Variants in ROBO2 observed in about 807,000 individuals in gnomAD.
ROBO2 encodes the protein roundabout guidance receptor 2.
Under a neutral mutation model 160.8 loss-of-function variants are expected in ROBO2, and 53 were observed. The observed-to-expected ratio is 0.33, with a 90% CI of 0.26 to 0.41. The LOEUF is 0.41. ROBO2 is among the 10% of genes least tolerant of loss of function. The pLI is 1.00. For synonymous variants in ROBO2, 664 were observed against 611.7 expected (o/e 1.09, Z -1.26); for missense variants, 1,577 against 1,722.4 (o/e 0.92, Z 1.49).
chr3:77,615,929 A>G (rs1228848547), intron 21 of ROBO2, among the ~76,000 whole-genome samples: 3 of 152,244 alleles, frequency 2.0e-5, no homozygotes, highest in Non-Finnish European at 4.4e-5. Context: ...CTAGAGATGT[A>G]CATTTCTGAT....
chr3:76,450,005 G>A (rs972926295), intron 2 of ROBO2, among the ~76,000 whole-genome samples: 3 of 152,146 alleles, frequency 2.0e-5, no homozygotes, highest in African/African-American at 7.2e-5. Context: ...CTGATAATTG[G>A]AAAAGTCATT....
At position 77,097,856 on chromosome 3, in the gene ROBO2, G is replaced by A. The variant is rs9873816; in HGVS notation, c.62-158G>A. Among the ~76,000 whole-genome samples, 45,660 of 152,078 alleles carry A rather than the reference G, an allele frequency of 0.3. 7,683 individuals carry two copies. The highest frequency in any genetic ancestry group is 0.54 in the East Asian group (2,805 of 5,156). Reference sequence around the variant, plus strand: ...TGGTATCGCCCTATCCTGCAAAGGAGTTGAGATGACTTATGAGATGCATAC... The same window carrying A: ...TGGTATCGCCCTATCCTGCAAAGGAATTGAGATGACTTATGAGATGCATAC... On this transcript the variant is annotated intron_variant, in intron 1 of 25. Coordinates refer to ENST00000461745, the Ensembl canonical transcript of ROBO2.
chr3:77,608,025 C>A, intron 21 of ROBO2, 71 bp downstream of exon 22: 1 of 1,488,872 alleles, frequency 6.7e-7, no homozygotes, highest in Non-Finnish European at 9.3e-7. Flanking sequence ...TTTTTGCCAT[C>A]ATCTTATGTT....
chr3:76,246,821 A>G (rs1705651040), intron 2 of ROBO2, among the ~76,000 whole-genome samples: 1 of 152,146 alleles, frequency 6.6e-6, no homozygotes, highest in South Asian at 2.1e-4. Flanking sequence ...GATAAAGTAT[A>G]TAACTTTATT....
At chr3:76,570,448 G>A (rs577549372) in intron 2 of ROBO2, among the ~76,000 whole-genome samples, 160 of 152,248 alleles carry the variant, frequency 1.1e-3, no homozygotes, top group African/African-American at 3.7e-3. Context: ...CATCTAGAGC[G>A]CTTTAAAATA....
chr3:76,570,441 C>T (rs556002595), intron 2 of ROBO2, among the ~76,000 whole-genome samples: 1 of 152,308 alleles, frequency 6.6e-6, no homozygotes, highest in East Asian at 1.9e-4. Context: ...ACTCGTACAT[C>T]TAGAGCGCTT....
intron 24 of ROBO2, among the ~76,000 whole-genome samples, chr3:77,635,832 C>T (rs1053003745): frequency 2.6e-5 from 4 of 152,122 alleles, no homozygotes; most frequent in African/African-American, 9.7e-5. Flanking sequence ...AACTTATCTC[C>T]ATCATTAAGT....
intron 2 of ROBO2, among the ~76,000 whole-genome samples, chr3:76,374,782 T>C (rs2076263285): frequency 1.3e-5 from 2 of 151,920 alleles, no homozygotes; most frequent in South Asian, 2.1e-4. Context: ...CTGCAAGTGG[T>C]TTATTTTAGT....
At chr3:77,490,372 G>A (rs1487557659) in intron 4 of ROBO2, among the ~76,000 whole-genome samples, 1 of 152,086 alleles carries the variant, frequency 6.6e-6, no homozygotes, top group African/African-American at 2.4e-5. Context: ...TTACAGGCGT[G>A]AGCCACCACG....
chr3:76,825,639 T>C (rs1366265101), intron 2 of ROBO2, among the ~76,000 whole-genome samples: 1 of 109,024 alleles, frequency 9.2e-6, no homozygotes, highest in Non-Finnish European at 1.9e-5. Flanking sequence ...AAAATGAAGA[T>C]GCATTTTTTT....
At chr3:77,527,477 A>T in intron 6 of ROBO2, 63 bp downstream of exon 7, 1 of 1,107,174 alleles carries the variant, frequency 9.0e-7, no homozygotes, top group East Asian at 5.9e-5. Context: ...ACTCATGCAT[A>T]GTAAGATTTG....
chr3:77,353,829 A>G (rs2068685733), intron 2 of ROBO2, among the ~76,000 whole-genome samples: 1 of 152,150 alleles, frequency 6.6e-6, no homozygotes, highest in African/African-American at 2.4e-5. Context: ...TTAGAAAAAA[A>G]ATTAGTAATT....
At chr3:77,431,417 A>G (rs1000303823) in intron 2 of ROBO2, among the ~76,000 whole-genome samples, 3 of 152,222 alleles carry the variant, frequency 2.0e-5, no homozygotes, top group African/African-American at 7.2e-5. Flanking sequence ...TAAACATTTT[A>G]TATGCTCTAC....
intron 2 of ROBO2, among the ~76,000 whole-genome samples, chr3:76,248,168 G>A (rs1456422899): frequency 6.6e-6 from 1 of 151,894 alleles, no homozygotes; most frequent in African/African-American, 2.4e-5. Context: ...TATAAATCAT[G>A]CTGCTATAAA....
intron 2 of ROBO2, among the ~76,000 whole-genome samples, chr3:76,311,587 T>C (rs563181775): frequency 9.3e-4 from 141 of 152,352 alleles, no homozygotes; most frequent in Non-Finnish European, 1.7e-3. Flanking sequence ...TTTTCTGTTA[T>C]TGATATCAAT....
intron 2 of ROBO2, among the ~76,000 whole-genome samples, chr3:76,318,569 T>G (rs566657977): frequency 6.6e-6 from 1 of 152,268 alleles, no homozygotes; most frequent in South Asian, 2.1e-4. Flanking sequence ...AAATTGACAG[T>G]AATAAAACAC....
chr3:76,405,158 G>C (rs961088151), intron 2 of ROBO2, among the ~76,000 whole-genome samples: 1 of 151,454 alleles, frequency 6.6e-6, no homozygotes, highest in Admixed American at 6.6e-5. Context: ...CTTTGATGGG[G>C]TGTCAAATGA....
intron 2 of ROBO2, among the ~76,000 whole-genome samples, chr3:77,023,014 CTAGGA>C (rs2062736567): frequency 1.3e-5 from 2 of 152,084 alleles, no homozygotes; most frequent in Non-Finnish European, 2.9e-5. Context: ...TTTGACTACT[CTAGGA>C]ATCTCATATA....
intron 2 of ROBO2, among the ~76,000 whole-genome samples, chr3:76,594,893 A>G (rs1415499339): frequency 6.6e-6 from 1 of 152,050 alleles, no homozygotes; most frequent in Non-Finnish European, 1.5e-5. Flanking sequence ...TACTGACAAT[A>G]ATAAAGCTAC....
Sources: gnomAD v4.1 joint callset for allele counts (sites outside exome capture counted in the v4.1 genomes callset) on GRCh38, gnomAD v4.1.1 for gene constraint, MANE v1.5 for transcripts, NCBI Gene and HGNC (gene_info 2026-07-23, HGNC 2026-07-21) for gene names.